Variants in EYS observed in about 807,000 individuals in gnomAD.
The protein encoded by EYS is EGF-like photoreceptor maintenance factor, also known as protein eyes shut homolog.
Under a neutral mutation model 282.1 loss-of-function variants are expected in EYS, and 250 were observed. The observed-to-expected ratio is 0.89, with a 90% CI of 0.80 to 0.98. The LOEUF is 0.98. Among genes scored for constraint, EYS ranks in the 50% least tolerant of loss-of-function variants. The probability of loss-of-function intolerance (pLI) is 0.00; values close to 1 mark genes in which losing one functional copy is unlikely to be tolerated. For missense variants in EYS, 4,016 were observed against 3,709.0 expected (o/e 1.08, Z -2.15); for synonymous variants, 1,355 against 1,282.9 (o/e 1.06, Z -1.20).
At chr6:65,114,197 C>A (rs1055408707) in intron 12 of EYS, among the ~76,000 whole-genome samples, 1 of 151,896 alleles carries the variant, frequency 6.6e-6, no homozygotes, top group Non-Finnish European at 1.5e-5. Flanking sequence ...CTCTCCATTA[C>A]ATAAAAAATG....
At chr6:65,392,573 G>T (rs1766089049) in intron 7 of EYS, among the ~76,000 whole-genome samples, 1 of 152,152 alleles carries the variant, frequency 6.6e-6, no homozygotes, top group Non-Finnish European at 1.5e-5. Context: ...ATGAAAAAAT[G>T]CTCACCATCA....
intron 35 of EYS, among the ~76,000 whole-genome samples, chr6:63,983,693 G>T (rs978503924): frequency 6.6e-6 from 1 of 151,706 alleles, no homozygotes; most frequent in African/African-American, 2.4e-5. Flanking sequence ...ATCTGTTTCA[G>T]CTTCCATTCT....
At chr6:64,308,904 CTG>C (rs1769562517) in intron 29 of EYS, among the ~76,000 whole-genome samples, 1 of 152,064 alleles carries the variant, frequency 6.6e-6, no homozygotes, top group South Asian at 2.1e-4. Flanking sequence ...CTTTTATATG[CTG>C]CAGTTGGGAA....
chr6:64,324,910 T>C (rs947564204), intron 29 of EYS, among the ~76,000 whole-genome samples: 2 of 151,980 alleles, frequency 1.3e-5, no homozygotes, highest in East Asian at 1.9e-4. Flanking sequence ...GCTAACCAAA[T>C]AGGTGAAAGA....
At chr6:64,033,615 C>A (rs1769967874) in intron 33 of EYS, among the ~76,000 whole-genome samples, 1 of 151,952 alleles carries the variant, frequency 6.6e-6, no homozygotes, top group Admixed American at 6.6e-5. Flanking sequence ...CATTAATTGT[C>A]AAAATTTTTT....
At chr6:64,203,933 A>G (rs1177147916) in intron 31 of EYS, among the ~76,000 whole-genome samples, 1 of 152,204 alleles carries the variant, frequency 6.6e-6, no homozygotes. Flanking sequence ...CATAGTGCCA[A>G]TAATTACAAC....
chr6:64,822,585 T>C (rs535341699), intron 20 of EYS, 66 bp downstream of exon 20: 2 of 1,242,630 alleles, frequency 1.6e-6, no homozygotes, highest in Non-Finnish European at 2.2e-6. Context: ...TTTCCCTTGA[T>C]GTTAAGTCTT....
At chr6:65,079,607 AACTTT>A (rs1774160172) in intron 12 of EYS, among the ~76,000 whole-genome samples, 1 of 152,086 alleles carries the variant, frequency 6.6e-6, no homozygotes, top group African/African-American at 2.4e-5. Flanking sequence ...TATTCATATT[AACTTT>A]ACTTATTTTT....
intron 8 of EYS, among the ~76,000 whole-genome samples, chr6:65,369,166 T>C (rs1765028986): frequency 6.7e-6 from 1 of 149,952 alleles, no homozygotes; most frequent in Non-Finnish European, 1.5e-5. Flanking sequence ...AAATTTAATG[T>C]AAGCAAGCAT....
rs567883772 is a variant in EYS at position 64,708,837 on chromosome 6, C to T, written c.3444-82592G>A. Among the ~76,000 whole-genome samples, 5 of 152,246 alleles carry T rather than the reference C, an allele frequency of 3.3e-5. No individual in the cohort carries two copies. In the South Asian group the frequency reaches 8.3e-4, roughly 25 times the overall value. ...CTGCTGTGCCATGAAAAATCAAGTC[C>T]ATTGTTTCTGACTCAAGTATCCCTT... On this transcript the variant is annotated intron_variant, in intron 22 of 42. Transcript: ENST00000503581.
intron 12 of EYS, among the ~76,000 whole-genome samples, chr6:65,112,283 TAAG>T (rs1775235572): frequency 1.3e-5 from 2 of 152,130 alleles, no homozygotes; most frequent in South Asian, 4.1e-4. Context: ...CAAAGCTGCT[TAAG>T]AAGAAAAATA....
chr6:64,361,350 A>T (rs543934220), intron 29 of EYS, among the ~76,000 whole-genome samples: 2 of 151,834 alleles, frequency 1.3e-5, no homozygotes, highest in Admixed American at 6.6e-5. Flanking sequence ...GAGCGATATG[A>T]TAACTACTAA....
chr6:64,365,954 T>C (rs1047097655), intron 29 of EYS, among the ~76,000 whole-genome samples: 2 of 152,016 alleles, frequency 1.3e-5, no homozygotes, highest in East Asian at 1.9e-4. Flanking sequence ...GAGAATTATA[T>C]TGTTTGTAAT....
At chr6:65,151,996 CAAT>C (rs1326353042) in intron 12 of EYS, among the ~76,000 whole-genome samples, 5 of 151,686 alleles carry the variant, frequency 3.3e-5, no homozygotes, top group Non-Finnish European at 7.4e-5. Context: ...TTAAAGAGAT[CAAT>C]GTTAGTGAAA....
At chr6:63,916,783 G>A (rs185992212) in intron 35 of EYS, among the ~76,000 whole-genome samples, 42 of 152,238 alleles carry the variant, frequency 2.8e-4, no homozygotes, top group East Asian at 1.5e-3. Flanking sequence ...TGTAGCATAC[G>A]TTATATTTAC....
intron 26 of EYS, among the ~76,000 whole-genome samples, chr6:64,454,209 T>A: frequency 6.6e-6 from 1 of 152,152 alleles, no homozygotes; most frequent in East Asian, 1.9e-4. Flanking sequence ...TACCTGAATC[T>A]GTTTCTGGGC....
At chr6:64,384,336 T>C (rs1772842403) in intron 29 of EYS, among the ~76,000 whole-genome samples, 1 of 152,208 alleles carries the variant, frequency 6.6e-6, no homozygotes, top group Admixed American at 6.5e-5. Flanking sequence ...AAAATTAAGA[T>C]AATGTTTACA....
intron 26 of EYS, among the ~76,000 whole-genome samples, chr6:64,476,799 A>T (rs1426750755): frequency 6.6e-6 from 1 of 152,190 alleles, no homozygotes; most frequent in Non-Finnish European, 1.5e-5. Context: ...GTCAATAAAA[A>T]GTATACCTCA....
chr6:64,163,581 T>C (rs1410205054), intron 31 of EYS, among the ~76,000 whole-genome samples: 3 of 149,956 alleles, frequency 2.0e-5, no homozygotes, highest in Non-Finnish European at 4.4e-5. Flanking sequence ...TAAGAGGTTT[T>C]GAGAAAAAAA....
Sources: gnomAD v4.1 joint callset for allele counts (sites outside exome capture counted in the v4.1 genomes callset) on GRCh38, gnomAD v4.1.1 for gene constraint, MANE v1.5 for transcripts, NCBI Gene and HGNC (gene_info 2026-07-23, HGNC 2026-07-21) for gene names.